Variants in CSPG4 observed in about 807,000 individuals in gnomAD.
The protein encoded by CSPG4 is chondroitin sulfate proteoglycan 4 (melanoma-associated).
Under a neutral mutation model 139.3 loss-of-function variants are expected in CSPG4, and 74 were observed. The observed-to-expected ratio is 0.53, with a 90% CI of 0.44 to 0.64. CSPG4 has a LOEUF of 0.64. Ranked by LOEUF, CSPG4 falls within the 30% of genes least tolerant of loss-of-function variation. The probability of loss-of-function intolerance (pLI) is 0.00; values close to 1 mark genes in which losing one functional copy is unlikely to be tolerated. For synonymous variants in CSPG4, 1,234 were observed against 1,394.2 expected (o/e 0.89, Z 2.56); for missense variants, 2,565 against 3,148.3 (o/e 0.81, Z 4.43).
chr15:75,709,139 A>T (rs1157935326), intron 1 of CSPG4, among the ~76,000 whole-genome samples: 1 of 152,222 alleles, frequency 6.6e-6, no homozygotes, highest in Non-Finnish European at 1.5e-5. Flanking sequence ...CCCTTGCCCC[A>T]CGGAGGAGCC....
At chr15:75,703,565 T>C (rs560129421) in intron 1 of CSPG4, among the ~76,000 whole-genome samples, 3 of 152,146 alleles carry the variant, frequency 2.0e-5, no homozygotes, top group African/African-American at 7.2e-5. Context: ...CCCAGGCCTG[T>C]TGGAGGCAAC....
chr15:75,687,770 C>G lies in CSPG4; in HGVS notation c.3295G>C (p.Asp1099His), dbSNP rs545645704. 6.2e-7 allele frequency: 1 copy of G among 1,612,904 alleles called. No homozygotes were observed. The highest frequency in any genetic ancestry group is 1.7e-5 in the Admixed American group (1 of 60,020). The part of the protein sequence containing the change: ...RRVLFVHSGA[D>H]RGWIQLQVSD... ...ACCTGCAGCTGGATCCAGCCACGGT[C>G]AGCCCCTGAGTGCACGAACAGTACT... is the stretch of plus-strand genomic sequence containing the variant. The change falls in exon 3 of 10, where the codon GAC (aspartate) becomes CAC (histidine). Residue 1099 changes from aspartate to histidine, a missense_variant. Physicochemically the swap from Asp to His is moderately conservative, Grantham distance 81. This residue lies in a region of CSPG4 where 2,316 missense variants were observed against 2,818.2 expected (regional missense o/e 0.82). Coordinates refer to ENST00000308508, the MANE Select transcript of CSPG4 (RefSeq NM_001897.5). The surrounding 1 kb of genome is among the most constrained non-coding windows in gnomAD (Gnocchi z 5.4).
chr15:75,693,325 G>A (rs1480471490), intron 1 of CSPG4, 92 bp from the exon 2 acceptor site: 3 of 1,239,916 alleles, frequency 2.4e-6, no homozygotes, highest in South Asian at 3.0e-5. Context: ...TGCAGAAAGG[G>A]GTCCGTGCTG....
In CSPG4 at chr15:75,689,444, G is replaced by C; in HGVS notation, c.1621C>G (p.Leu541Val). The C allele has an allele frequency of 6.2e-6, 10 of 1,612,826 alleles. No homozygotes were observed. Among genetic ancestry groups the C allele is most frequent in the Non-Finnish European group, 8.5e-6 (10 of 1,179,852 alleles). ...PSCLRRGQTY[L>V]LPIQVNPVND... ...ACAGGGTTGACCTGGATGGGCAGGA[G>C]GTATGTTTGGCCCCTCCGAAGGCAT... Residue 541 changes from leucine (L) to valine (V), a missense_variant, in exon 3 of 10, where the codon CTC becomes GTC. Physicochemically the swap from Leu to Val is conservative, Grantham distance 32. This residue lies in a region of CSPG4 where 2,316 missense variants were observed against 2,818.2 expected (regional missense o/e 0.82). Transcript: ENST00000308508.
chr15:75,702,056 C>G (rs766255632), intron 1 of CSPG4, among the ~76,000 whole-genome samples: 1 of 152,212 alleles, frequency 6.6e-6, no homozygotes, highest in Non-Finnish European at 1.5e-5. Flanking sequence ...TCCTGACTCC[C>G]TTTGCTAATA....
intron 8 of CSPG4, chr15:75,678,743 C>G (rs192213244): frequency 3.9e-5 from 18 of 456,324 alleles, no homozygotes; most frequent in Middle Eastern, 3.3e-4. Context: ...AAAGCATAGT[C>G]CACGCTCTCC....
intron 5 of CSPG4, among the ~76,000 whole-genome samples, chr15:75,684,040 C>A (rs1047224021): frequency 2.0e-5 from 3 of 151,756 alleles, no homozygotes; most frequent in Admixed American, 2.0e-4. Context: ...CCCCCACCCC[C>A]GCCCCAGGCA....
rs1445161133 is a variant in CSPG4 at position 75,674,772 on chromosome 15, GAC to G, written c.*776_*777del. 2.5e-6 allele frequency: 1 copy of G among 398,546 alleles called. No individual in the cohort carries two copies. The highest frequency in any genetic ancestry group is 2.1e-5 in the African/African-American group (1 of 48,618). The allele number at this position is 398,546 out of a possible 1,614,324, so 24.7% of individuals were successfully genotyped here. On this transcript the variant is annotated 3_prime_UTR_variant, in exon 10 of 10. Transcript: ENST00000308508. The stretch of plus-strand genomic sequence containing the variant: ...CAGCCTAACCTGCTCCAAAGCCACT[GAC>G]ACATGCATGTTTAGCCCTTGGCCCA...
chr15:75,678,553 T>C, intron 8 of CSPG4: 1 of 434,602 alleles, frequency 2.3e-6, no homozygotes, highest in Non-Finnish European at 4.7e-6. Context: ...AGGGTCTCAC[T>C]ATGTTGCCCA....
chr15:75,686,648 C>G (rs1894063671), intron 3 of CSPG4, among the ~76,000 whole-genome samples: 2 of 152,376 alleles, frequency 1.3e-5, no homozygotes, highest in African/African-American at 4.8e-5. Flanking sequence ...CTTCCTGACT[C>G]CAGATCTGCT....
Position 75,684,864 on chromosome 15 carries a change from T to C in CSPG4, c.4321A>G (p.Thr1441Ala). Reference protein sequence around the residue: ...RYVHDGSETLTDSFVLMANAS... With the variant: ...RYVHDGSETLADSFVLMANAS... ...TTAGCCATCAGGACAAAACTGTCTG[T>C]CAGTGTCTCGCTCCCGTCATGCACG... The change falls in exon 5 of 10, where the codon ACA becomes GCA. Residue 1441 changes from threonine to alanine, a missense_variant. Around this residue, in one of 5 missense-constraint regions of CSPG4, gnomAD observed 2,316 missense variants for 2,818.2 expected, o/e 0.82. Coordinates refer to ENST00000308508, the MANE Select transcript of CSPG4 (RefSeq NM_001897.5). 1 of 1,613,440 alleles carries C rather than the reference T, an allele frequency of 6.2e-7. No individual in the cohort carries two copies. Among genetic ancestry groups the C allele is most frequent in the Non-Finnish European group, 8.5e-7 (1 of 1,179,734 alleles).
At chr15:75,683,097 C>T (rs1039526181) in intron 5 of CSPG4, 56 bp from the exon 6 acceptor site, 57 of 1,542,816 alleles carry the variant, frequency 3.7e-5, no homozygotes, top group Non-Finnish European at 4.7e-5. Flanking sequence ...ACCCCTTCCT[C>T]CCCGGCCCTG....
At position 75,687,465 on chromosome 15, in the gene CSPG4, G is replaced by T. The variant is rs769192986; in HGVS notation, c.3600C>A (p.Ser1200Arg). 9 of 1,612,584 alleles carry T rather than the reference G, an allele frequency of 5.6e-6. No individual in the cohort carries two copies. Among genetic ancestry groups the T allele is most frequent in the Non-Finnish European group, 7.6e-6 (9 of 1,179,686 alleles). The change falls in exon 3 of 10, where the codon AGC (serine) becomes AGA (arginine). Residue 1200 changes from serine (S) to arginine (R), a missense_variant. By Grantham distance (110) the Ser-to-Arg change is moderately radical. Around this residue, in one of 5 missense-constraint regions of CSPG4, gnomAD observed 2,316 missense variants for 2,818.2 expected, o/e 0.82. Transcript: ENST00000308508. The surrounding 1 kb of genome is among the most constrained non-coding windows in gnomAD (Gnocchi z 5.4). ...CGCGGGGGCTGAGGCTGCCATTGTG[G>T]CTATAGAGAACGGCCCCATCCAGCA... Reference protein sequence around the residue: ...QDLLDGAVLYSHNGSLSPRDT... With the variant: ...QDLLDGAVLYRHNGSLSPRDT...
At position 75,687,755 on chromosome 15, in the gene CSPG4, G is replaced by A. The variant is rs1420318358; in HGVS notation, c.3310C>T (p.Gln1104Ter). The change falls in exon 3 of 10, where the codon CAG (glutamine) becomes TAG (stop). Residue 1104 changes from glutamine to a stop codon, truncating the protein, a stop_gained. Coordinates refer to ENST00000308508, the MANE Select transcript of CSPG4 (RefSeq NM_001897.5). LOFTEE classifies it high-confidence loss of function. This position sits in a 1 kb window ranked among gnomAD's most constrained non-coding sequence, Gnocchi z 5.4. ...VHSGADRGWIQLQVSDGQHQA... is the reference protein window; with the variant it reads ...VHSGADRGWI ...TGTTGCCCGTCGGACACCTGCAGCT[G>A]GATCCAGCCACGGTCAGCCCCTGAG... 6.2e-7 allele frequency: 1 copy of A among 1,612,858 alleles called. No individual in the cohort carries two copies. The highest frequency in any genetic ancestry group is 8.5e-7 in the Non-Finnish European group (1 of 1,180,038).
intron 7 of CSPG4, 26 bp from the exon 8 acceptor site, chr15:75,682,485 G>T: frequency 6.4e-7 from 1 of 1,571,370 alleles, no homozygotes. Flanking sequence ...GGGGATATCA[G>T]ATTTTGACTG....
chr15:75,682,462 G>C lies in CSPG4; in HGVS notation c.4784-3C>G. ...ACTGCTGAGTGGCTGGACGGACCCT[G>C]CCAGAGGCAAAAGGGGATATCAGAT... On this transcript the variant is annotated splice_polypyrimidine_tract_variant and splice_region_variant and intron_variant, in intron 7 of 9. Transcript: ENST00000308508. The C allele has an allele frequency of 2.5e-6, 4 of 1,577,258 alleles. No homozygotes were observed. The highest frequency in any genetic ancestry group is 3.4e-6 in the Non-Finnish European group (4 of 1,167,028).
Position 75,676,895 on chromosome 15 carries a change from G to T in CSPG4, c.5624C>A (p.Ala1875Glu), listed in dbSNP as rs759243000. ...CAGGCTGAGGAAGCCGTTGTGGGGTGCCCGCTGGACCTCGTACTCAATCTC... is the reference window on the plus strand; with the variant it reads ...CAGGCTGAGGAAGCCGTTGTGGGGTTCCCGCTGGACCTCGTACTCAATCTC... ...PGEIEYEVQR[A>E]PHNGFLSLVG... Residue 1875 changes from alanine (A) to glutamate (E), a missense_variant, in exon 10 of 10, where the codon GCA becomes GAA. Physicochemically the swap from Ala to Glu is moderately radical, Grantham distance 107. Coordinates refer to ENST00000308508, the MANE Select transcript of CSPG4 (RefSeq NM_001897.5). 8 of 1,587,550 alleles carry T rather than the reference G, an allele frequency of 5.0e-6. No homozygotes were observed. In the Admixed American group the frequency reaches 1.1e-4, roughly 21 times the overall value.
Position 75,690,238 on chromosome 15 carries a change from C to G in CSPG4, c.827G>C (p.Ser276Thr). 1.2e-6 allele frequency: 2 copies of G among 1,613,392 alleles called. No individual in the cohort carries two copies. Among genetic ancestry groups the G allele is most frequent in the Non-Finnish European group, 1.7e-6 (2 of 1,179,860 alleles). ...KGQGTVLLHN[S>T]VPVADGQPHE... is the part of the protein sequence containing the mutation. Reference sequence around the variant, plus strand: ...GGGCTGCCCATCGGCCACAGGCACACTGTTGTGGAGCAATACGGTACCCTG... The same window carrying G: ...GGGCTGCCCATCGGCCACAGGCACAGTGTTGTGGAGCAATACGGTACCCTG... The change falls in exon 3 of 10, where the codon AGT (serine) becomes ACT (threonine). Residue 276 changes from serine to threonine, a missense_variant. Physicochemically the swap from Ser to Thr is moderately conservative, Grantham distance 58 (BLOSUM62 1). Coordinates refer to ENST00000308508, the MANE Select transcript of CSPG4 (RefSeq NM_001897.5).
In CSPG4 at chr15:75,690,381, A is replaced by G. The variant is rs369851174; in HGVS notation, c.684T>C (p.Phe228=). The part of the protein sequence containing the change: ...WGTQDEGTLE[F]TLTTQSRQAP... ...CCTGCCGGCTCTGTGTGGTGAGTGT[A>G]AACTCTAGGGTTCCTTCGTCCTGAG... The change falls in exon 3 of 10, where the codon TTT becomes TTC. Residue 228 remains phenylalanine, a synonymous_variant. Coordinates refer to ENST00000308508, the MANE Select transcript of CSPG4 (RefSeq NM_001897.5). The G allele has an allele frequency of 4.8e-5, 77 of 1,610,914 alleles. No homozygotes were observed. The Middle Eastern group carries it at 7.9e-4, about 17-fold the overall frequency.
Sources: gnomAD v4.1 joint callset for allele counts (sites outside exome capture counted in the v4.1 genomes callset) on GRCh38, gnomAD v4.1.1 for gene constraint, gnomAD v4.1.1 regional missense constraint, Gnocchi (gnomAD v3.1) non-coding constraint, MANE v1.5 for transcripts, NCBI Gene and HGNC (gene_info 2026-07-23, HGNC 2026-07-21) for gene names.